Variants in CRIM1 observed in about 807,000 individuals in gnomAD.
CRIM1 encodes the protein cysteine rich transmembrane BMP regulator 1.
Under a neutral mutation model 116.4 loss-of-function variants are expected in CRIM1, and 32 were observed. That is an observed-to-expected ratio of 0.27 (90% CI 0.21 to 0.37). The LOEUF (loss-of-function observed/expected upper bound fraction) is 0.37, where lower values mean the gene tolerates loss of function less well. Ranked by LOEUF, CRIM1 falls within the 10% of genes least tolerant of loss-of-function variation. The pLI is 1.00. For synonymous variants in CRIM1, 590 were observed against 509.2 expected, an observed-to-expected ratio of 1.16 and a Z score of -2.13; for missense variants, 1,331 against 1,354.8, an observed-to-expected ratio of 0.98 and a Z score of 0.28.
chr2:36,489,882 G>C (rs911557782), intron 7 of CRIM1, among the ~76,000 whole-genome samples: 1 of 152,156 alleles, frequency 6.6e-6, no homozygotes, highest in Non-Finnish European at 1.5e-5. Flanking sequence ...AGAGATTTCT[G>C]TTCTCTTGGA....
intron 5 of CRIM1, among the ~76,000 whole-genome samples, chr2:36,470,849 A>G (rs1028050437): frequency 6.6e-6 from 1 of 152,160 alleles, no homozygotes; most frequent in African/African-American, 2.4e-5. Context: ...GATCAGAACT[A>G]AATCAATTGA....
At chr2:36,402,411 G>C (rs1177170044) in intron 2 of CRIM1, among the ~76,000 whole-genome samples, 1 of 150,562 alleles carries the variant, frequency 6.6e-6, no homozygotes, top group Non-Finnish European at 1.5e-5. Flanking sequence ...GTGTGTTGAA[G>C]GACTAGCAAG....
At chr2:36,395,377 A>G (rs1041328693) in intron 1 of CRIM1, among the ~76,000 whole-genome samples, 5 of 152,214 alleles carry the variant, frequency 3.3e-5, no homozygotes, top group African/African-American at 1.2e-4. Flanking sequence ...AAATTCAGGT[A>G]CTTTAAAAAA....
intron 7 of CRIM1, among the ~76,000 whole-genome samples, chr2:36,497,348 C>G (rs956842623): frequency 3.3e-5 from 5 of 152,110 alleles, no homozygotes; most frequent in African/African-American, 9.7e-5. Flanking sequence ...CTTCTACGCT[C>G]TCTCATATTT....
At chr2:36,515,321 A>C (rs1161948870) in intron 11 of CRIM1, among the ~76,000 whole-genome samples, 2 of 152,214 alleles carry the variant, frequency 1.3e-5, no homozygotes, top group Non-Finnish European at 2.9e-5. Flanking sequence ...AGAGTCATGG[A>C]AAGTTCTTAC....
intron 2 of CRIM1, among the ~76,000 whole-genome samples, chr2:36,430,025 C>A (rs1185897177): frequency 6.6e-6 from 1 of 152,136 alleles, no homozygotes; most frequent in Non-Finnish European, 1.5e-5. Flanking sequence ...ACTGTACCTC[C>A]TGTGTTTGGG....
At chr2:36,361,816 A>G (rs769788217) in intron 1 of CRIM1, among the ~76,000 whole-genome samples, 3 of 152,184 alleles carry the variant, frequency 2.0e-5, no homozygotes, top group Admixed American at 6.5e-5. Flanking sequence ...TGTGTTCCGT[A>G]TGGCACGTTT....
intron 1 of CRIM1, among the ~76,000 whole-genome samples, chr2:36,362,223 A>G (rs143380833): frequency 2.6e-5 from 4 of 152,224 alleles, no homozygotes; most frequent in African/African-American, 9.6e-5. Flanking sequence ...TCTGTGTATG[A>G]TTAATTGGCT....
At chr2:36,454,184 C>A (rs1676961829) in intron 4 of CRIM1, among the ~76,000 whole-genome samples, 1 of 152,198 alleles carries the variant, frequency 6.6e-6, no homozygotes, top group African/African-American at 2.4e-5. Flanking sequence ...CCCCAGTCCT[C>A]CTCTCAGTAC....
chr2:36,515,475 CCTT>C (rs144808866), intron 11 of CRIM1, among the ~76,000 whole-genome samples: 124 of 152,332 alleles, frequency 8.1e-4, no homozygotes, highest in Middle Eastern at 6.8e-3. Flanking sequence ...ACATAAGCCT[CCTT>C]CTGATTAGAG....
intron 7 of CRIM1, among the ~76,000 whole-genome samples, chr2:36,479,911 A>G (rs895222398): frequency 2.0e-5 from 3 of 152,238 alleles, no homozygotes; most frequent in Non-Finnish European, 4.4e-5. Flanking sequence ...TGCCATTGCA[A>G]ATATGCGCGT....
Position 36,517,429 on chromosome 2 carries a change from G to C in CRIM1, c.2093G>C (p.Cys698Ser). The C allele has an allele frequency of 1.9e-6, 3 of 1,614,244 alleles. No homozygotes were observed. The highest frequency in any genetic ancestry group is 2.5e-6 in the Non-Finnish European group (3 of 1,180,036). ...GGAGAAACGTGGAACATTGACTCCT[G>C]TACTCAGTGCACCTGCCACAGCGGA... is the stretch of plus-strand genomic sequence containing the variant. The part of the protein sequence containing the change: ...VEGETWNIDS[C>S]TQCTCHSGRV... Residue 698 changes from cysteine to serine, a missense_variant, in exon 12 of 17, where the codon TGT (cysteine) becomes TCT (serine). By Grantham distance (112) the Cys-to-Ser change is moderately radical. Transcript: ENST00000280527.
intron 2 of CRIM1, among the ~76,000 whole-genome samples, chr2:36,440,931 G>T (rs752745635): frequency 1.3e-5 from 2 of 152,158 alleles, no homozygotes; most frequent in Admixed American, 6.5e-5. Flanking sequence ...CTCAAGGAAT[G>T]GGTCCAGTTT....
intron 7 of CRIM1, among the ~76,000 whole-genome samples, chr2:36,486,117 A>G (rs1233812676): frequency 2.0e-5 from 3 of 152,234 alleles, no homozygotes; most frequent in Admixed American, 6.5e-5. Flanking sequence ...AAACTAGAAT[A>G]TAGGTAAAGT....
chr2:36,468,921 G>A (rs1462288095), intron 5 of CRIM1, among the ~76,000 whole-genome samples: 8 of 152,188 alleles, frequency 5.3e-5, no homozygotes, highest in Admixed American at 3.3e-4. Context: ...TTGGAAAGTC[G>A]TAGCCAAAAG....
At chr2:36,460,760 A>C (rs1677518905) in intron 4 of CRIM1, among the ~76,000 whole-genome samples, 1 of 152,176 alleles carries the variant, frequency 6.6e-6, no homozygotes, top group Admixed American at 6.5e-5. Context: ...ATATGACTAG[A>C]CATGATAGGT....
At chr2:36,384,314 G>A (rs1671009061) in intron 1 of CRIM1, among the ~76,000 whole-genome samples, 1 of 152,204 alleles carries the variant, frequency 6.6e-6, no homozygotes, top group Non-Finnish European at 1.5e-5. Context: ...CGGTCAGCTA[G>A]GGCTAGGCAC....
chr2:36,440,174 C>G (rs1032923626), intron 2 of CRIM1, among the ~76,000 whole-genome samples: 2 of 152,174 alleles, frequency 1.3e-5, no homozygotes, highest in Admixed American at 6.5e-5. Context: ...TACCAATGAC[C>G]TTAGCCAGGT....
intron 1 of CRIM1, among the ~76,000 whole-genome samples, chr2:36,369,955 T>C (rs1162157613): frequency 2.0e-5 from 3 of 152,238 alleles, no homozygotes; most frequent in Non-Finnish European, 2.9e-5. Context: ...CATTGTATTA[T>C]GGATGTGCTG....
Sources: gnomAD v4.1 joint callset for allele counts (sites outside exome capture counted in the v4.1 genomes callset) on GRCh38, gnomAD v4.1.1 for gene constraint, MANE v1.5 for transcripts, NCBI Gene and HGNC (gene_info 2026-07-23, HGNC 2026-07-21) for gene names.